Variants in LINGO2 observed in about 807,000 individuals in gnomAD.
The protein encoded by LINGO2 is leucine rich repeat and Ig domain containing 2.
In LINGO2, 14 loss-of-function variants were observed where a neutral mutation model predicts 30.6. The ratio of observed to expected loss-of-function variants is 0.46; its 90% CI spans 0.30 to 0.72. LINGO2 has a LOEUF of 0.72. Ranked by LOEUF, LINGO2 falls within the 30% of genes least tolerant of loss-of-function variation. The pLI, the probability that LINGO2 is intolerant of heterozygous loss-of-function variation, is 0.07. For missense variants in LINGO2, 729 were observed against 751.7 expected, an observed-to-expected ratio of 0.97 and a Z score of 0.35; for synonymous variants, 317 against 288.5, an observed-to-expected ratio of 1.10 and a Z score of -1.00.
chr9:28,972,493 G>C, the LINGO2 span, among the ~76,000 whole-genome samples: 1 of 152,060 alleles, frequency 6.6e-6, no homozygotes, highest in Non-Finnish European at 1.5e-5. Context: ...AAATTCTGGA[G>C]CTGAAAAACA....
chr9:28,623,408 A>G (rs1182005909), intron 1 of LINGO2, among the ~76,000 whole-genome samples: 1 of 152,076 alleles, frequency 6.6e-6, no homozygotes, highest in Non-Finnish European at 1.5e-5. Context: ...TCTTCTGCAT[A>G]TGGATATCCA....
At chr9:28,626,796 T>G (rs924030683) in intron 1 of LINGO2, among the ~76,000 whole-genome samples, 1 of 151,386 alleles carries the variant, frequency 6.6e-6, no homozygotes, top group African/African-American at 2.4e-5. Flanking sequence ...TCCCACCTAG[T>G]AAATGTTTTT....
the LINGO2 span, among the ~76,000 whole-genome samples, chr9:28,959,828 G>A: frequency 6.6e-6 from 1 of 152,128 alleles, no homozygotes; most frequent in Non-Finnish European, 1.5e-5. Context: ...AGACATTTTG[G>A]ATGTTAGAGC....
the LINGO2 span, among the ~76,000 whole-genome samples, chr9:28,793,811 G>A: frequency 6.6e-6 from 1 of 152,160 alleles, no homozygotes; most frequent in African/African-American, 2.4e-5. Context: ...CCACCTCCCA[G>A]ATCTGGTAAT....
At chr9:28,019,940 C>T (rs762034875) in intron 4 of LINGO2, among the ~76,000 whole-genome samples, 89 of 152,208 alleles carry the variant, frequency 5.8e-4, no homozygotes, top group Middle Eastern at 3.4e-3. Flanking sequence ...TCTTCAGAAT[C>T]CTTTCAGCCA....
intron 3 of LINGO2, among the ~76,000 whole-genome samples, chr9:28,356,606 C>G (rs1820219427): frequency 6.6e-6 from 1 of 152,210 alleles, no homozygotes. Flanking sequence ...CAATCCTAAG[C>G]AAAACGTTTC....
the LINGO2 span, among the ~76,000 whole-genome samples, chr9:29,051,826 G>C: frequency 6.6e-6 from 1 of 152,046 alleles, no homozygotes; most frequent in South Asian, 2.1e-4. Flanking sequence ...TTGTGAGCTC[G>C]ATTTACTGGA....
intron 4 of LINGO2, among the ~76,000 whole-genome samples, chr9:28,168,958 A>T (rs577672442): frequency 6.6e-6 from 1 of 152,368 alleles, no homozygotes; most frequent in Non-Finnish European, 1.5e-5. Flanking sequence ...CTTACTGAAC[A>T]GCTGGTCTGT....
chr9:28,682,535 A>G, the LINGO2 span, among the ~76,000 whole-genome samples: 2 of 152,094 alleles, frequency 1.3e-5, no homozygotes, highest in African/African-American at 4.8e-5. Context: ...TACTTTCCTA[A>G]GACTTTTTTA....
chr9:28,724,615 G>C, the LINGO2 span, among the ~76,000 whole-genome samples: 1 of 152,104 alleles, frequency 6.6e-6, no homozygotes, highest in Non-Finnish European at 1.5e-5. Context: ...ACATGAAAGA[G>C]ATAGGAGCTA....
chr9:28,577,657 A>C (rs1402797), intron 1 of LINGO2, among the ~76,000 whole-genome samples: 90,517 of 151,956 alleles, frequency 0.6, 27,289 homozygotes, highest in East Asian at 0.7. Context: ...GCAAGATGAA[A>C]CTTTTGGGTG....
chr9:28,493,418 T>G (rs73439359), intron 1 of LINGO2, among the ~76,000 whole-genome samples: 7,682 of 152,168 alleles, frequency 0.05, 475 homozygotes, highest in African/African-American at 0.14. Flanking sequence ...GGCATTCAGC[T>G]AAGGATACCA....
chr9:28,410,405 A>T (rs2134807910), intron 2 of LINGO2, among the ~76,000 whole-genome samples: 1 of 152,284 alleles, frequency 6.6e-6, no homozygotes, highest in Non-Finnish European at 1.5e-5. Flanking sequence ...AAGAGTCATT[A>T]ACAGAACTGC....
the LINGO2 span, among the ~76,000 whole-genome samples, chr9:29,197,097 C>T: frequency 6.6e-6 from 1 of 152,038 alleles, no homozygotes; most frequent in Non-Finnish European, 1.5e-5. Context: ...TGGAATTTTA[C>T]AAAGTCCAAT....
At chr9:28,487,196 A>T (rs1370893461) in intron 1 of LINGO2, among the ~76,000 whole-genome samples, 2 of 152,126 alleles carry the variant, frequency 1.3e-5, no homozygotes, top group Non-Finnish European at 2.9e-5. Context: ...CATCCTCTGT[A>T]CCTTTCCAAT....
chr9:28,453,026 A>G (rs1824709189), intron 2 of LINGO2, among the ~76,000 whole-genome samples: 7 of 151,948 alleles, frequency 4.6e-5, no homozygotes, highest in Admixed American at 4.6e-4. Flanking sequence ...CATTAAGATC[A>G]ATGACTCTGA....
upstream of LINGO2, among the ~76,000 whole-genome samples, chr9:28,671,054 T>C (rs1305844449): frequency 6.6e-6 from 1 of 152,142 alleles, no homozygotes; most frequent in Non-Finnish European, 1.5e-5. Flanking sequence ...AGATGAGTAT[T>C]TTGTTGCTGC....
chr9:29,000,952 GA>G, the LINGO2 span, among the ~76,000 whole-genome samples: 1 of 151,894 alleles, frequency 6.6e-6, no homozygotes, highest in African/African-American at 2.4e-5. Context: ...TCAATTTAAG[GA>G]ATAATATCAG....
the LINGO2 span, among the ~76,000 whole-genome samples, chr9:28,687,071 A>G: frequency 1.3e-5 from 2 of 152,204 alleles, no homozygotes; most frequent in East Asian, 3.9e-4. Flanking sequence ...ATGCACCTGG[A>G]CAAATAAAAT....
Sources: allele counts gnomAD v4.1 joint callset (sites outside exome capture counted in the v4.1 genomes callset), GRCh38; gene constraint gnomAD v4.1.1; transcripts MANE v1.5; gene names NCBI Gene and HGNC (gene_info 2026-07-23, HGNC 2026-07-21).